The following SLC9A7 variants were observed in gnomAD, a reference collection of about 807,000 sequenced individuals.
SLC9A7 encodes sodium/hydrogen exchanger 7.
SLC9A7 carries 19 observed loss-of-function variants against 52.6 expected under a neutral mutation model. That is an observed-to-expected ratio of 0.36 (90% confidence interval 0.25 to 0.53). SLC9A7 has a LOEUF of 0.53. SLC9A7 is among the 20% of genes least tolerant of loss of function. The pLI is 0.91. For synonymous variants in SLC9A7, 226 were observed against 252.1 expected (o/e 0.90, Z 0.98); for missense variants, 455 against 597.9 (o/e 0.76, Z 2.49).
At chrX:46,671,241 T>C (rs1301961643) in intron 4 of SLC9A7, among the ~76,000 whole-genome samples, 2 of 111,387 alleles carry the variant, frequency 1.8e-5, no homozygotes, top group Non-Finnish European at 3.8e-5. Context: ...TCCTCATGAC[T>C]GTGACAGTTT....
intron 1 of SLC9A7, among the ~76,000 whole-genome samples, chrX:46,726,855 A>AT (rs1178144952): frequency 9.0e-6 from 1 of 110,887 alleles, no homozygotes; most frequent in Non-Finnish European, 1.9e-5. Context: ...ATGTTTGCGG[A>AT]TTTTGCTGAT....
intron 1 of SLC9A7, among the ~76,000 whole-genome samples, chrX:46,698,466 T>C (rs908946338): frequency 1.8e-5 from 2 of 112,394 alleles, no homozygotes; most frequent in Admixed American, 1.9e-4. Context: ...CCACAGTGTA[T>C]AGATATTTCA....
chrX:46,679,534 T>C, intron 3 of SLC9A7, 144 bp downstream of exon 3: 1 of 425,941 alleles, frequency 2.3e-6, no homozygotes, highest in Middle Eastern at 3.7e-4. Flanking sequence ...AATGAATCAT[T>C]GATGAGAAGT....
At chrX:46,619,871 A>G (rs1269118484) in intron 15 of SLC9A7, among the ~76,000 whole-genome samples, 1 of 110,760 alleles carries the variant, frequency 9.0e-6, no homozygotes, top group Non-Finnish European at 1.9e-5. Context: ...TCCTGGGCTC[A>G]AGTGATCCAC....
At chrX:46,723,299 A>C (rs1253426708) in intron 1 of SLC9A7, among the ~76,000 whole-genome samples, 3 of 90,710 alleles carry the variant, frequency 3.3e-5, no homozygotes, top group East Asian at 3.7e-4. Context: ...AGATTTCTAC[A>C]AAAAAAAAAA....
At chrX:46,634,831 C>T (rs1053380706) in intron 13 of SLC9A7, among the ~76,000 whole-genome samples, 1 of 111,876 alleles carries the variant, frequency 8.9e-6, no homozygotes, top group African/African-American at 3.3e-5. Context: ...GTGAGATATT[C>T]TCACAGTGCC....
intron 1 of SLC9A7, among the ~76,000 whole-genome samples, chrX:46,687,792 T>A (rs964425538): frequency 1.8e-5 from 2 of 112,310 alleles, no homozygotes; most frequent in Non-Finnish European, 1.9e-5. Flanking sequence ...AGTTGCACAA[T>A]CATCACTGCA....
Position 46,672,614 on chromosome X carries a change from C to A in SLC9A7, c.617G>T (p.Arg206Ile). ...GYSLKKRHFFRNLGSILAYAF... is the reference protein window; with the variant it reads ...GYSLKKRHFFINLGSILAYAF... The stretch of plus-strand genomic sequence containing the variant: ...ATAGGCCAGTATAGATCCAAGATTT[C>A]TGAAAAAGTGTCTCTGAATAAAACA... Residue 206 changes from arginine (R) to isoleucine (I), a missense_variant, in exon 4 of 17, where the codon AGA becomes ATA. Physicochemically the swap from Arg to Ile is moderately conservative, Grantham distance 97. Transcript: ENST00000616978. The A allele has an allele frequency of 4.2e-6, 5 of 1,196,927 alleles. No individual in the cohort carries two copies. Among genetic ancestry groups the A allele is most frequent in the Non-Finnish European group, 5.7e-6 (5 of 884,243 alleles).
At chrX:46,679,972 C>T (rs1239330923) in intron 2 of SLC9A7, among the ~76,000 whole-genome samples, 1 of 112,125 alleles carries the variant, frequency 8.9e-6, no homozygotes, top group Non-Finnish European at 1.9e-5. Context: ...TATGATCTTG[C>T]TTGTGCTGTT....
intron 1 of SLC9A7, among the ~76,000 whole-genome samples, chrX:46,723,609 A>C (rs1265267182): frequency 1.8e-5 from 2 of 111,366 alleles, no homozygotes; most frequent in African/African-American, 6.5e-5. Context: ...GGGTCAAGAA[A>C]TGTGATATGA....
rs1335676396 is a variant in SLC9A7, at chrX:46,600,102, A to C, written c.*6850T>G. 3 of 111,780 alleles carry C rather than the reference A, an allele frequency of 2.7e-5. No homozygotes were observed. Among genetic ancestry groups the C allele is most frequent in the Non-Finnish European group, 5.6e-5 (3 of 53,200 alleles). The allele number at this position is 111,780 out of a possible 1,213,427, so 9.2% of individuals were successfully genotyped here. ...GATCAATTTCAGTGGTAAATTCCCAATCCATAGACTTAACACCCACACAAC... is the reference window on the plus strand; with the variant it reads ...GATCAATTTCAGTGGTAAATTCCCACTCCATAGACTTAACACCCACACAAC... On this transcript the variant is annotated 3_prime_UTR_variant, in exon 17 of 17. Coordinates refer to ENST00000616978, the MANE Select transcript of SLC9A7 (RefSeq NM_001257291.2).
intron 12 of SLC9A7, among the ~76,000 whole-genome samples, chrX:46,637,579 C>G (rs1483420187): frequency 9.0e-6 from 1 of 111,312 alleles, no homozygotes; most frequent in African/African-American, 3.3e-5. Flanking sequence ...GTTCCACCGC[C>G]CCCCCAACCC....
intron 16 of SLC9A7, among the ~76,000 whole-genome samples, chrX:46,607,864 T>G (rs1371718825): frequency 8.9e-6 from 1 of 112,044 alleles, no homozygotes; most frequent in Non-Finnish European, 1.9e-5. Context: ...CAGGACCTTC[T>G]TCCTCCAATA....
At chrX:46,642,930 G>T (rs1490980980) in intron 12 of SLC9A7, among the ~76,000 whole-genome samples, 2 of 111,565 alleles carry the variant, frequency 1.8e-5, no homozygotes, top group African/African-American at 6.5e-5. Context: ...TTTCTCTCCC[G>T]CAGCTTTAAG....
chrX:46,709,383 G>A (rs762363440), intron 1 of SLC9A7, among the ~76,000 whole-genome samples: 25 of 110,846 alleles, frequency 2.3e-4, no homozygotes, highest in Admixed American at 4.8e-4. Context: ...CTCCAGCATG[G>A]GTGACAGAGT....
At chrX:46,667,534 A>G (rs1265675556) in intron 5 of SLC9A7, among the ~76,000 whole-genome samples, 1 of 111,321 alleles carries the variant, frequency 9.0e-6, no homozygotes. Flanking sequence ...CTATTGCATT[A>G]CCCTACATTT....
At chrX:46,676,918 C>G (rs1260229781) in intron 3 of SLC9A7, among the ~76,000 whole-genome samples, 1 of 111,316 alleles carries the variant, frequency 9.0e-6, no homozygotes, top group African/African-American at 3.3e-5. Flanking sequence ...TGACTCAGTC[C>G]CGCGTTATCT....
chrX:46,688,279 C>T (rs191545969), intron 1 of SLC9A7, among the ~76,000 whole-genome samples: 63 of 111,538 alleles, frequency 5.6e-4, no homozygotes, highest in African/African-American at 1.7e-3. Flanking sequence ...TATTGTTTTA[C>T]ATTCTCGCCA....
chrX:46,638,576 G>C, intron 12 of SLC9A7, among the ~76,000 whole-genome samples: 1 of 111,621 alleles, frequency 9.0e-6, no homozygotes, highest in African/African-American at 3.3e-5. Flanking sequence ...GACATCAAAA[G>C]GATAACAAGG....
Sources: gnomAD v4.1 joint callset for allele counts (sites outside exome capture counted in the v4.1 genomes callset) on GRCh38, gnomAD v4.1.1 for gene constraint, MANE v1.5 for transcripts, NCBI Gene and HGNC (gene_info 2026-07-23, HGNC 2026-07-21) for gene names.